The following LARGE1 variants were observed in gnomAD, a reference collection of about 807,000 sequenced individuals.
The protein encoded by LARGE1 is LARGE xylosyl- and glucuronyltransferase 1.
LARGE1 carries 43 observed loss-of-function variants against 87.6 expected under a neutral mutation model. That is an observed-to-expected ratio of 0.49 (90% confidence interval 0.38 to 0.63). LARGE1 has a LOEUF of 0.63. Ranked by LOEUF, LARGE1 falls within the 30% of genes least tolerant of loss-of-function variation. The probability of loss-of-function intolerance (pLI) is 0.00; values close to 1 mark genes in which losing one functional copy is unlikely to be tolerated. For missense variants in LARGE1, 802 were observed against 1,000.2 expected (o/e 0.80, Z 2.67); for synonymous variants, 434 against 394.6 (o/e 1.10, Z -1.18).
intron 12 of LARGE1, among the ~76,000 whole-genome samples, chr22:33,303,594 CAGA>C (rs1342216828): frequency 2.0e-5 from 3 of 152,244 alleles, no homozygotes; most frequent in South Asian, 4.1e-4. Context: ...GGTCCAAAAC[CAGA>C]AGAAGGAGGG....
intron 1 of LARGE1, among the ~76,000 whole-genome samples, chr22:33,919,222 G>A (rs2065873128): frequency 6.6e-6 from 1 of 152,122 alleles, no homozygotes; most frequent in South Asian, 2.1e-4. Flanking sequence ...ATTGTTCTGG[G>A]GGAAGCTCAC....
chr22:33,193,285 A>G (rs1001088427), intron 11 of LARGE1, among the ~76,000 whole-genome samples: 10 of 152,334 alleles, frequency 6.6e-5, no homozygotes, highest in African/African-American at 1.9e-4. Flanking sequence ...AATCAGTGAA[A>G]AAGCAAGAGA....
chr22:33,673,493 G>A (rs188621238), intron 2 of LARGE1, among the ~76,000 whole-genome samples: 17 of 152,186 alleles, frequency 1.1e-4, no homozygotes, highest in African/African-American at 4.1e-4. Context: ...TGATCCCCTT[G>A]CATCCATTCT....
intron 10 of LARGE1, among the ~76,000 whole-genome samples, chr22:33,326,214 G>A (rs1937231544): frequency 6.6e-6 from 1 of 152,128 alleles, no homozygotes; most frequent in Admixed American, 6.5e-5. Context: ...CCCTGACCTC[G>A]ACTTGGAGGA....
chr22:33,599,505 A>G (rs530741546), intron 5 of LARGE1, among the ~76,000 whole-genome samples: 5 of 152,294 alleles, frequency 3.3e-5, no homozygotes, highest in African/African-American at 9.6e-5. Flanking sequence ...TGGGAAGACC[A>G]ATGAGCATTT....
chr22:33,094,318 C>T, the LARGE1 span, among the ~76,000 whole-genome samples: 2 of 152,082 alleles, frequency 1.3e-5, no homozygotes, highest in Non-Finnish European at 1.5e-5. Context: ...TTGCACGGAC[C>T]GTTGCACTAA....
chr22:33,190,253 C>G (rs1300262457), intron 11 of LARGE1, among the ~76,000 whole-genome samples: 1 of 152,040 alleles, frequency 6.6e-6, no homozygotes, highest in Non-Finnish European at 1.5e-5. Context: ...GGGAAGAGTA[C>G]TGTTACTCCC....
intron 1 of LARGE1, among the ~76,000 whole-genome samples, chr22:33,802,965 T>A (rs1601653116): frequency 6.6e-6 from 1 of 152,244 alleles, no homozygotes; most frequent in Middle Eastern, 3.4e-3. Context: ...GATAGATGGG[T>A]GGGTGAGTGG....
intron 6 of LARGE1, among the ~76,000 whole-genome samples, chr22:33,442,918 G>A (rs183097915): frequency 2.3e-3 from 353 of 151,408 alleles, no homozygotes; most frequent in Non-Finnish European, 3.3e-3. Flanking sequence ...TCAGCCTCCC[G>A]AGTAGCTGGG....
chr22:33,171,983 T>G (rs2146139697), intron 11 of LARGE1, among the ~76,000 whole-genome samples: 1 of 152,328 alleles, frequency 6.6e-6, no homozygotes, highest in South Asian at 2.1e-4. Flanking sequence ...CCACAGGGGC[T>G]GTACCCTGCA....
the LARGE1 span, among the ~76,000 whole-genome samples, chr22:33,153,783 A>C: frequency 6.6e-6 from 1 of 152,204 alleles, no homozygotes; most frequent in Admixed American, 6.5e-5. Flanking sequence ...TGAATTAGGA[A>C]CTTCAGGTGA....
At chr22:33,838,612 C>T (rs555027466) in intron 1 of LARGE1, among the ~76,000 whole-genome samples, 4 of 152,270 alleles carry the variant, frequency 2.6e-5, no homozygotes, top group African/African-American at 9.6e-5. Flanking sequence ...CTGCACTCCA[C>T]CCTGTCCCCA....
At chr22:33,740,181 G>A (rs1378544043) in intron 2 of LARGE1, among the ~76,000 whole-genome samples, 2 of 152,080 alleles carry the variant, frequency 1.3e-5, no homozygotes, top group Admixed American at 6.6e-5. Flanking sequence ...CCTCTCCTTG[G>A]CCTATTCCTA....
At chr22:33,090,906 T>G in the LARGE1 span, among the ~76,000 whole-genome samples, 3 of 152,154 alleles carry the variant, frequency 2.0e-5, no homozygotes, top group African/African-American at 7.2e-5. Flanking sequence ...GATAGGGAGC[T>G]CTCTTCTTCC....
chr22:33,357,452 C>T (rs1001124410), intron 9 of LARGE1, among the ~76,000 whole-genome samples: 2 of 152,162 alleles, frequency 1.3e-5, no homozygotes, highest in South Asian at 2.1e-4. Context: ...GACTTCATCA[C>T]TATGTAATAT....
Position 33,477,869 on chromosome 22 carries a change from T to C in LARGE1, c.788-45604A>G, listed in dbSNP as rs576961363. On this transcript the variant is annotated intron_variant, in intron 6 of 14. Coordinates refer to ENST00000397394, the MANE Select transcript of LARGE1 (RefSeq NM_133642.5). ...ATAAAGGATCCCTGACTGTCGCTGA[T>C]CTAAAATACTCACCCTCTGCTGAAA... 8.6e-4 allele frequency among the ~76,000 whole-genome samples: 131 copies of C among 152,304 alleles called. 2 individuals are homozygous for C. The highest frequency in any genetic ancestry group is 3.1e-3 in the African/African-American group (129 of 41,576).
In LARGE1 at chr22:33,281,231, C is replaced by T. The variant is rs138087922; in HGVS notation, c.1877+1971G>A. 5.4e-3 allele frequency among the ~76,000 whole-genome samples: 829 copies of T among 152,174 alleles called. 27 individuals are homozygous for T. Among genetic ancestry groups the T allele is most frequent in the Admixed American group, 0.044 (667 of 15,288 alleles). On this transcript the variant is annotated intron_variant, in intron 13 of 14. Transcript: ENST00000397394. ...CAAATGTGGCTGTGAAATGAGTTCT[C>T]GGTTCACTGTGGTATGAAGACGGCA...
intron 6 of LARGE1, among the ~76,000 whole-genome samples, chr22:33,460,503 T>C (rs994248623): frequency 6.6e-6 from 1 of 152,184 alleles, no homozygotes; most frequent in Non-Finnish European, 1.5e-5. Context: ...AATGCATGTA[T>C]ATATGCACAT....
At chr22:33,276,226 A>G (rs950386066) in intron 14 of LARGE1, among the ~76,000 whole-genome samples, 6 of 152,142 alleles carry the variant, frequency 3.9e-5, no homozygotes, top group South Asian at 2.1e-4. Flanking sequence ...AAAAGAAAAA[A>G]AAAAAAAGGC....
Sources: allele counts gnomAD v4.1 joint callset (sites outside exome capture counted in the v4.1 genomes callset), GRCh38; gene constraint gnomAD v4.1.1; transcripts MANE v1.5; gene names NCBI Gene and HGNC (gene_info 2026-07-23, HGNC 2026-07-21).